CYFIP2: variants seen among roughly 807,000 people sequenced by gnomAD.
CYFIP2 encodes cytoplasmic FMR1 interacting protein 2.
CYFIP2 carries 29 observed loss-of-function variants against 158.7 expected under a neutral mutation model. The ratio of observed to expected loss-of-function variants is 0.18; its 90% CI spans 0.14 to 0.25. The LOEUF (loss-of-function observed/expected upper bound fraction) is 0.25, where lower values mean the gene tolerates loss of function less well. Among genes scored for constraint, CYFIP2 ranks in the 10% least tolerant of loss-of-function variants. CYFIP2 has a pLI of 1.00. For synonymous variants in CYFIP2, 585 were observed against 617.6 expected (o/e 0.95, Z 0.78); for missense variants, 852 against 1,639.5 (o/e 0.52, Z 8.29).
At chr5:157,356,056 AGATGCACTGTCTT>A (rs1448029424) in intron 23 of CYFIP2, among the ~76,000 whole-genome samples, 27 of 152,216 alleles carry the variant, frequency 1.8e-4, no homozygotes, top group African/African-American at 5.8e-4. Flanking sequence ...ATATTCAGTA[AGATGCACTGTCTT>A]TGTCAGTTCA....
chr5:157,338,532 T>C (rs984562008), intron 21 of CYFIP2, among the ~76,000 whole-genome samples: 6 of 152,236 alleles, frequency 3.9e-5, no homozygotes, highest in Non-Finnish European at 8.8e-5. Flanking sequence ...ATGGCAGCAA[T>C]ACTGACCTCA....
At chr5:157,387,417 T>TC in intron 28 of CYFIP2, among the ~76,000 whole-genome samples, 1 of 152,292 alleles carries the variant, frequency 6.6e-6, no homozygotes, top group South Asian at 2.1e-4. Flanking sequence ...GTTTTTCTAT[T>TC]CCCCCTTCCA....
chr5:157,390,342 C>G (rs922776145), intron 29 of CYFIP2, among the ~76,000 whole-genome samples, 179 bp from the exon 30 acceptor site: 4 of 152,086 alleles, frequency 2.6e-5, no homozygotes, highest in Non-Finnish European at 5.9e-5. Context: ...TAACTACCAT[C>G]CCTGCAACTA....
intron 11 of CYFIP2, 70 bp from the exon 12 acceptor site, chr5:157,314,274 G>T: frequency 6.4e-7 from 1 of 1,557,816 alleles, no homozygotes. Flanking sequence ...TGTTCTTGGG[G>T]GAATCAATGA....
chr5:157,327,791 G>A, intron 18 of CYFIP2, 182 bp from the exon 19 acceptor site: 1 of 591,430 alleles, frequency 1.7e-6, no homozygotes, highest in East Asian at 2.9e-5. Context: ...CACTGACTGA[G>A]GACCCTGAGA....
At chr5:157,284,091 T>C (rs546303817) in intron 1 of CYFIP2, among the ~76,000 whole-genome samples, 1 of 152,336 alleles carries the variant, frequency 6.6e-6, no homozygotes, top group East Asian at 1.9e-4. Context: ...TTTTAGTGTT[T>C]TTGTTCACCT....
intron 23 of CYFIP2, among the ~76,000 whole-genome samples, chr5:157,353,952 A>G (rs945403744): frequency 1.3e-5 from 2 of 152,232 alleles, no homozygotes; most frequent in Non-Finnish European, 2.9e-5. Context: ...ATAGAGGCCT[A>G]TCTCAACGGA....
chr5:157,322,997 G>A (rs368825709), intron 15 of CYFIP2: 11 of 1,535,920 alleles, frequency 7.2e-6, no homozygotes, highest in African/African-American at 2.7e-5. Flanking sequence ...ACACAGGGCC[G>A]AAGAGGCTGC....
intron 17 of CYFIP2, 44 bp from the exon 18 acceptor site, chr5:157,326,127 G>C (rs757178105): frequency 7.1e-7 from 1 of 1,406,914 alleles, no homozygotes; most frequent in Middle Eastern, 1.8e-4. Flanking sequence ...TCTTCCTTAA[G>C]GGGGGTTATT....
intron 9 of CYFIP2, 112 bp from the exon 10 acceptor site, chr5:157,309,631 G>T: frequency 4.4e-6 from 4 of 909,330 alleles, no homozygotes; most frequent in Non-Finnish European, 6.8e-6. Flanking sequence ...AGAAACTAGG[G>T]GTCGGCCCCC....
intron 20 of CYFIP2, 135 bp downstream of exon 20, chr5:157,330,985 G>C: frequency 1.5e-6 from 1 of 665,278 alleles, no homozygotes; most frequent in Non-Finnish European, 2.6e-6. Context: ...GAGCCTGGGT[G>C]TAGCACAGCC....
At chr5:157,390,284 T>G (rs1019189236) in intron 29 of CYFIP2, among the ~76,000 whole-genome samples, 1 of 151,488 alleles carries the variant, frequency 6.6e-6, no homozygotes, top group Admixed American at 6.6e-5. Flanking sequence ...TTTTTTTTTT[T>G]TACATTAGTG....
At chr5:157,308,153 C>T (rs375250) in intron 9 of CYFIP2, among the ~76,000 whole-genome samples, 119,669 of 150,970 alleles carry the variant, frequency 0.79, 47,676 homozygotes, top group East Asian at 0.99. Flanking sequence ...TGATTCTTTT[C>T]TGAATGCTGC....
intron 14 of CYFIP2, 63 bp downstream of exon 14, chr5:157,319,991 G>C: frequency 6.4e-7 from 1 of 1,573,820 alleles, no homozygotes; most frequent in South Asian, 1.2e-5. Flanking sequence ...CCATCAGAGA[G>C]GATGTCCTGG....
rs78251620 is a variant in CYFIP2, at chr5:157,284,222, A to G, written c.-23-1117A>G. ...TTCTCTTAAGGTTTTTGAGTGTAACATTAACTTCATTTAGTTCCACTTTTC... is the reference window on the plus strand; with the variant it reads ...TTCTCTTAAGGTTTTTGAGTGTAACGTTAACTTCATTTAGTTCCACTTTTC... On this transcript the variant is annotated intron_variant, in intron 1 of 30. Coordinates refer to ENST00000620254, the MANE Select transcript of CYFIP2 (RefSeq NM_001037333.3). Among the ~76,000 whole-genome samples, 1,348 of 152,232 alleles carry G rather than the reference A, an allele frequency of 8.9e-3. 27 individuals carry two copies. The highest frequency in any genetic ancestry group is 0.031 in the African/African-American group (1,267 of 41,522).
chr5:157,288,660 G>A (rs1243602383), intron 3 of CYFIP2: 3 of 455,536 alleles, frequency 6.6e-6, no homozygotes, highest in Non-Finnish European at 1.3e-5. Flanking sequence ...ACCCTGTGAG[G>A]TAGGTTCTAT....
chr5:157,306,342 G>A (rs1421631705), intron 8 of CYFIP2, among the ~76,000 whole-genome samples: 1 of 152,110 alleles, frequency 6.6e-6, no homozygotes, highest in Non-Finnish European at 1.5e-5. Flanking sequence ...GCTTTGCCTG[G>A]GTGATTGCTG....
chr5:157,333,468 GGATTTCT>G (rs749006937), intron 21 of CYFIP2, 22 bp downstream of exon 21: 2 of 1,613,730 alleles, frequency 1.2e-6, no homozygotes, highest in African/African-American at 2.7e-5. Flanking sequence ...GGAGCGTGTG[GGATTTCT>G]GCTCTGTGAT....
chr5:157,284,094 G>C (rs1229183931), intron 1 of CYFIP2, among the ~76,000 whole-genome samples: 2 of 151,944 alleles, frequency 1.3e-5, no homozygotes, highest in Non-Finnish European at 2.9e-5. Flanking sequence ...TAGTGTTTTT[G>C]TTCACCTCTA....
Sources: allele counts gnomAD v4.1 joint callset (sites outside exome capture counted in the v4.1 genomes callset), GRCh38; gene constraint gnomAD v4.1.1; transcripts MANE v1.5; gene names NCBI Gene and HGNC (gene_info 2026-07-23, HGNC 2026-07-21).